Variants in SHROOM3 observed in about 807,000 individuals in gnomAD.
SHROOM3 encodes shroom family member 3, also known as protein Shroom3.
In SHROOM3, 47 loss-of-function variants were observed where a neutral mutation model predicts 138.6. That is an observed-to-expected ratio of 0.34 (90% CI 0.27 to 0.43). The LOEUF (loss-of-function observed/expected upper bound fraction) is 0.43, where lower values mean the gene tolerates loss of function less well. Ranked by LOEUF, SHROOM3 falls within the 20% of genes least tolerant of loss-of-function variation. The pLI is 1.00. For synonymous variants in SHROOM3, 1,062 were observed against 1,063.3 expected (o/e 1.00, Z 0.02); for missense variants, 2,491 against 2,596.5 (o/e 0.96, Z 0.88).
At chr4:76,773,804 G>A (rs1722453377) in intron 10 of SHROOM3, among the ~76,000 whole-genome samples, 1 of 152,216 alleles carries the variant, frequency 6.6e-6, no homozygotes, top group South Asian at 2.1e-4. Flanking sequence ...CTAGAGTTCA[G>A]CTTCCTTCAG....
intron 2 of SHROOM3, among the ~76,000 whole-genome samples, chr4:76,594,008 G>A (rs1734331318): frequency 6.6e-6 from 1 of 152,200 alleles, no homozygotes; most frequent in African/African-American, 2.4e-5. Context: ...CATTTCTGCA[G>A]TACTTATTAC....
rs572460569 is a variant in SHROOM3 at position 76,470,019 on chromosome 4, T to C, written c.168+33799T>C. 4.6e-5 allele frequency among the ~76,000 whole-genome samples: 7 copies of C among 152,092 alleles called. No homozygotes were observed. In the South Asian group the frequency reaches 8.3e-4, roughly 18 times the overall value. ...GACATACACAGACAGATTTAAACAA[T>C]TTAAACAAAAATTATAGCTAACTCT... On this transcript the variant is annotated intron_variant, in intron 1 of 10. Coordinates refer to ENST00000296043, the MANE Select transcript of SHROOM3 (RefSeq NM_020859.4).
chr4:76,741,856 G>T lies in SHROOM3; in HGVS notation c.3683G>T (p.Arg1228Leu). The T allele has an allele frequency of 6.2e-7, 1 of 1,610,272 alleles. No homozygotes were observed. Among genetic ancestry groups the T allele is most frequent in the Non-Finnish European group, 8.5e-7 (1 of 1,179,176 alleles). ...ATGTCGGCCGAGGACCTGCTGGAAC[G>T]CTCGGACGTCCTTGCGGGCCCTGTC... Reference protein sequence around the residue: ...KSMSAEDLLERSDVLAGPVHV... With the variant: ...KSMSAEDLLELSDVLAGPVHV... Residue 1228 changes from arginine (R) to leucine (L), a missense_variant, in exon 5 of 11, where the codon CGC becomes CTC. Around this residue, in one of 4 missense-constraint regions of SHROOM3, gnomAD observed 1,733 missense variants for 1,661.6 expected, o/e 1.04. Coordinates refer to ENST00000296043, the MANE Select transcript of SHROOM3 (RefSeq NM_020859.4). The surrounding 1 kb of genome is among the most constrained non-coding windows in gnomAD (Gnocchi z 6.2).
chr4:76,465,728 A>G (rs1366132660), intron 1 of SHROOM3, among the ~76,000 whole-genome samples: 1 of 152,250 alleles, frequency 6.6e-6, no homozygotes, highest in South Asian at 2.1e-4. Flanking sequence ...GGACCTAAAC[A>G]GACACAGAAA....
At chr4:76,762,521 A>T (rs950414430) in intron 9 of SHROOM3, among the ~76,000 whole-genome samples, 1 of 152,208 alleles carries the variant, frequency 6.6e-6, no homozygotes, top group African/African-American at 2.4e-5. Context: ...CTCTTCAGGG[A>T]TAAAGAAAGA....
intron 2 of SHROOM3, among the ~76,000 whole-genome samples, chr4:76,630,221 T>A (rs1421510771): frequency 6.6e-6 from 1 of 152,168 alleles, no homozygotes; most frequent in African/African-American, 2.4e-5. Context: ...GAGGCTAGGC[T>A]CAGAGGAGTT....
chr4:76,732,069 C>G (rs984736619), intron 4 of SHROOM3, among the ~76,000 whole-genome samples: 1 of 152,120 alleles, frequency 6.6e-6, no homozygotes, highest in Non-Finnish European at 1.5e-5. Context: ...GAGAACTAAG[C>G]CAGGACTCCC....
intron 2 of SHROOM3, among the ~76,000 whole-genome samples, chr4:76,631,991 G>A (rs2110073655): frequency 6.6e-6 from 1 of 152,252 alleles, no homozygotes; most frequent in East Asian, 1.9e-4. Context: ...ATTAAGGGAA[G>A]AAACAATGGA....
At chr4:76,655,811 G>A (rs545586757) in intron 2 of SHROOM3, among the ~76,000 whole-genome samples, 1 of 152,312 alleles carries the variant, frequency 6.6e-6, no homozygotes, top group South Asian at 2.1e-4. Flanking sequence ...ATTGCCAGGG[G>A]ATGTCACTGG....
At chr4:76,605,849 C>T (rs1257162775) in intron 2 of SHROOM3, among the ~76,000 whole-genome samples, 1 of 150,610 alleles carries the variant, frequency 6.6e-6, no homozygotes, top group Non-Finnish European at 1.5e-5. Flanking sequence ...CTTTCTATAA[C>T]ACCTTTGATA....
chr4:76,559,718 G>A (rs183427378), intron 2 of SHROOM3: 1 of 152,202 alleles, frequency 6.6e-6, no homozygotes. Context: ...TATAAGTTTT[G>A]GGATTGTCTT....
intron 2 of SHROOM3, among the ~76,000 whole-genome samples, chr4:76,569,052 T>C (rs1405318563): frequency 1.3e-5 from 2 of 152,212 alleles, no homozygotes; most frequent in Non-Finnish European, 2.9e-5. Context: ...AGTTCAACCA[T>C]AGTTATTGAG....
intron 9 of SHROOM3, among the ~76,000 whole-genome samples, chr4:76,769,005 GTGATTA>G (rs565610439): frequency 1.1e-4 from 16 of 152,202 alleles, no homozygotes; most frequent in South Asian, 6.2e-4. Flanking sequence ...CCTAGTCATT[GTGATTA>G]CATTCCTAAT....
chr4:76,660,272 G>A (rs796233406), intron 2 of SHROOM3, among the ~76,000 whole-genome samples: 1 of 152,236 alleles, frequency 6.6e-6, no homozygotes, highest in South Asian at 2.1e-4. Flanking sequence ...TGCATAGAGT[G>A]ATTTGAGGTC....
At chr4:76,470,869 A>T (rs1404386812) in intron 1 of SHROOM3, among the ~76,000 whole-genome samples, 1 of 152,202 alleles carries the variant, frequency 6.6e-6, no homozygotes, top group Admixed American at 6.5e-5. Flanking sequence ...TGTGTGCCAT[A>T]AATGAGACAA....
At chr4:76,506,606 A>G (rs1382210919) in intron 1 of SHROOM3, among the ~76,000 whole-genome samples, 1 of 152,058 alleles carries the variant, frequency 6.6e-6, no homozygotes, top group Admixed American at 6.6e-5. Flanking sequence ...TTAATCAATT[A>G]TCAATCCCTT....
intron 2 of SHROOM3, among the ~76,000 whole-genome samples, chr4:76,649,177 C>G (rs557090757): frequency 6.6e-6 from 1 of 152,132 alleles, no homozygotes; most frequent in South Asian, 2.1e-4. Flanking sequence ...TCTCAGAGAC[C>G]CACATTGACT....
chr4:76,468,075 A>G (rs1220661937), intron 1 of SHROOM3, among the ~76,000 whole-genome samples: 1 of 152,244 alleles, frequency 6.6e-6, no homozygotes, highest in Non-Finnish European at 1.5e-5. Context: ...GTTAAAAGAC[A>G]AGATTCAGCC....
At chr4:76,689,358 G>GCGCCGAGCCAA (rs1719434081) in intron 2 of SHROOM3, among the ~76,000 whole-genome samples, 1 of 103,834 alleles carries the variant, frequency 9.6e-6, no homozygotes, top group African/African-American at 3.2e-5. Flanking sequence ...TGGCGAGCGA[G>GCGCCGAGCCAA]CGCCGAGCCA....
Sources: gnomAD v4.1 joint callset for allele counts (sites outside exome capture counted in the v4.1 genomes callset) on GRCh38, gnomAD v4.1.1 for gene constraint, gnomAD v4.1.1 regional missense constraint, Gnocchi (gnomAD v3.1) non-coding constraint, MANE v1.5 for transcripts, NCBI Gene and HGNC (gene_info 2026-07-23, HGNC 2026-07-21) for gene names.